Variants in CCDC88C observed in about 807,000 individuals in gnomAD.
CCDC88C encodes the protein coiled-coil and HOOK domain protein 88C, also known as protein Daple.
In CCDC88C, 131 loss-of-function variants were observed where a neutral mutation model predicts 198.8. The observed-to-expected ratio is 0.66, with a 90% CI of 0.57 to 0.76. The LOEUF (loss-of-function observed/expected upper bound fraction) is 0.76, where lower values mean the gene tolerates loss of function less well. CCDC88C is among the 30% of genes least tolerant of loss of function. The probability of loss-of-function intolerance (pLI) is 0.00; values close to 1 mark genes in which losing one functional copy is unlikely to be tolerated. For synonymous variants in CCDC88C, 1,166 were observed against 1,114.7 expected, an observed-to-expected ratio of 1.05 and a Z score of -0.92; for missense variants, 2,553 against 2,631.6, an observed-to-expected ratio of 0.97 and a Z score of 0.65.
intron 21 of CCDC88C, 47 bp downstream of exon 21, chr14:91,299,880 C>T (rs1334188124): frequency 6.6e-7 from 1 of 1,522,980 alleles, no homozygotes; most frequent in South Asian, 1.2e-5. Flanking sequence ...AGAGTCTGAA[C>T]AGAATCTGGG....
At chr14:91,395,562 C>A (rs1567120147) in intron 3 of CCDC88C, among the ~76,000 whole-genome samples, 1 of 152,124 alleles carries the variant, frequency 6.6e-6, no homozygotes, top group Non-Finnish European at 1.5e-5. Context: ...TCTCTGGCTT[C>A]ACTTTTCTGG....
At chr14:91,406,290 C>G (rs1668648076) in intron 3 of CCDC88C, among the ~76,000 whole-genome samples, 1 of 152,226 alleles carries the variant, frequency 6.6e-6, no homozygotes, top group Non-Finnish European at 1.5e-5. Context: ...TATGGCCAAA[C>G]AGCTTGCAGC....
At chr14:91,368,762 C>T (rs780963470) in intron 3 of CCDC88C, among the ~76,000 whole-genome samples, 4 of 152,132 alleles carry the variant, frequency 2.6e-5, no homozygotes, top group Admixed American at 6.5e-5. Flanking sequence ...GGTGTTGGAA[C>T]GTCTACGCTC....
intron 20 of CCDC88C, among the ~76,000 whole-genome samples, chr14:91,301,412 T>A (rs1273710171): frequency 6.6e-6 from 1 of 152,202 alleles, no homozygotes; most frequent in Non-Finnish European, 1.5e-5. Context: ...GCTCTCTGAA[T>A]GCACATTAAG....
intron 2 of CCDC88C, among the ~76,000 whole-genome samples, chr14:91,412,142 C>T (rs1886823268): frequency 6.6e-6 from 1 of 151,830 alleles, no homozygotes; most frequent in African/African-American, 2.4e-5. Context: ...TGTATTGACA[C>T]AGAGAGATAT....
intron 10 of CCDC88C, among the ~76,000 whole-genome samples, chr14:91,328,829 A>G (rs1474253716): frequency 6.6e-6 from 1 of 152,158 alleles, no homozygotes; most frequent in East Asian, 1.9e-4. Flanking sequence ...GAGCACCCCC[A>G]GCACTCCCCA....
intron 3 of CCDC88C, among the ~76,000 whole-genome samples, chr14:91,372,022 C>A (rs892098321): frequency 6.6e-6 from 1 of 152,164 alleles, no homozygotes; most frequent in Admixed American, 6.5e-5. Flanking sequence ...CCTCAGGGTA[C>A]GAGCACCACA....
intron 12 of CCDC88C, among the ~76,000 whole-genome samples, chr14:91,323,749 CCT>C (rs1436433772): frequency 2.0e-5 from 3 of 152,242 alleles, no homozygotes; most frequent in Admixed American, 1.3e-4. Context: ...GCTTGTACCA[CCT>C]CTCTGCTCCA....
In CCDC88C at chr14:91,277,860, T is replaced by C. The variant is rs565106086; in HGVS notation, c.5058+62A>G. On this transcript the variant is annotated intron_variant, in intron 29 of 29. Transcript: ENST00000389857. ...CCCCATCCTTTCTGCAGCTATGATCTTGAGCCAGGAAGAGACAGAGAGGGA... is the reference window on the plus strand; with the variant it reads ...CCCCATCCTTTCTGCAGCTATGATCCTGAGCCAGGAAGAGACAGAGAGGGA... The C allele has an allele frequency of 2.4e-5, 35 of 1,442,954 alleles. No individual in the cohort carries two copies. In the African/African-American group the frequency reaches 4.3e-4, roughly 18 times the overall value. 89.4% of individuals were successfully genotyped at this position (1,442,954 alleles called of 1,614,324 possible).
intron 10 of CCDC88C, among the ~76,000 whole-genome samples, chr14:91,332,274 C>T (rs762290007): frequency 6.6e-5 from 10 of 152,216 alleles, no homozygotes; most frequent in Non-Finnish European, 1.5e-4. Flanking sequence ...GGGCAACCCC[C>T]ATGCCCTGGA....
At chr14:91,321,487 T>C (rs1461422127) in intron 12 of CCDC88C, among the ~76,000 whole-genome samples, 183 bp from the exon 13 acceptor site, 1 of 152,194 alleles carries the variant, frequency 6.6e-6, no homozygotes. Context: ...AGGGCTCCTC[T>C]GCAGGCTTTG....
rs1892561772 is a variant in CCDC88C at position 91,325,846 on chromosome 14, G to A, written c.1197+64C>T. The A allele has an allele frequency of 6.7e-7, 1 of 1,491,564 alleles. No homozygotes were observed. 92.4% of individuals were successfully genotyped at this position (1,491,564 alleles called of 1,614,324 possible). A position where few individuals can be genotyped will look rare whatever the true frequency, so the allele number is the denominator to read the frequency against. ...AGCCTCCCAAAGTGCTGGGATTACA[G>A]GCATGAGCCACTGTGCCCGAGCCCA... On this transcript the variant is annotated intron_variant, in intron 11 of 29. Coordinates refer to ENST00000389857, the MANE Select transcript of CCDC88C (RefSeq NM_001080414.4). This position sits in a 1 kb window ranked among gnomAD's most constrained non-coding sequence, Gnocchi z 4.1.
At chr14:91,372,214 G>GAAGCC (rs1485029106) in intron 3 of CCDC88C, among the ~76,000 whole-genome samples, 1 of 151,722 alleles carries the variant, frequency 6.6e-6, no homozygotes, top group Admixed American at 6.5e-5. Context: ...TGGAGGGTAT[G>GAAGCC]AAGCCAAGAC....
intron 14 of CCDC88C, among the ~76,000 whole-genome samples, 159 bp downstream of exon 14, chr14:91,315,491 G>A (rs979488356): frequency 6.6e-6 from 1 of 152,138 alleles, no homozygotes; most frequent in Non-Finnish European, 1.5e-5. Flanking sequence ...TTTTCCCACC[G>A]CCAGTTGGGA....
intron 2 of CCDC88C, among the ~76,000 whole-genome samples, chr14:91,413,749 G>A (rs1039983103): frequency 1.2e-4 from 18 of 152,148 alleles, no homozygotes; most frequent in Non-Finnish European, 2.1e-4. Flanking sequence ...TCCGGTTGCC[G>A]GAGACAATGG....
chr14:91,326,640 C>G (rs1184585354), intron 10 of CCDC88C, among the ~76,000 whole-genome samples: 1 of 152,194 alleles, frequency 6.6e-6, no homozygotes, highest in Non-Finnish European at 1.5e-5. Flanking sequence ...TCTGGACGGA[C>G]AAGGGGACCC....
intron 3 of CCDC88C, among the ~76,000 whole-genome samples, chr14:91,375,790 C>T (rs983172228): frequency 1.3e-5 from 2 of 152,182 alleles, no homozygotes; most frequent in African/African-American, 2.4e-5. Context: ...CTTCCCTGTG[C>T]GAGGCTCCTC....
At chr14:91,317,703 C>T (rs1418015284) in intron 13 of CCDC88C, among the ~76,000 whole-genome samples, 1 of 152,234 alleles carries the variant, frequency 6.6e-6, no homozygotes, top group Non-Finnish European at 1.5e-5. Flanking sequence ...CAAACAGCGG[C>T]CCCTCCCTTC....
In CCDC88C at chr14:91,339,123, TC is replaced by T; in HGVS notation, c.809+154del. 2.3e-6 allele frequency: 2 copies of T among 851,376 alleles called. No individual in the cohort carries two copies. The highest frequency in any genetic ancestry group is 3.8e-6 in the Non-Finnish European group (2 of 521,328). The allele number at this position is 851,376 out of a possible 1,614,324, so 52.7% of individuals were successfully genotyped here. On this transcript the variant is annotated intron_variant, in intron 8 of 29. Coordinates refer to ENST00000389857, the MANE Select transcript of CCDC88C (RefSeq NM_001080414.4). The surrounding 1 kb of genome is among the most constrained non-coding windows in gnomAD (Gnocchi z 5.8). The stretch of plus-strand genomic sequence containing the variant: ...AGGCCTCAGAAGGGGAGGCAGCTAG[TC>T]CGAGGTCAAAGAGTAAGCTCAGGGC...
Sources: gnomAD v4.1 joint callset for allele counts (sites outside exome capture counted in the v4.1 genomes callset) on GRCh38, gnomAD v4.1.1 for gene constraint, Gnocchi (gnomAD v3.1) non-coding constraint, MANE v1.5 for transcripts, NCBI Gene and HGNC (gene_info 2026-07-23, HGNC 2026-07-21) for gene names.